Variants in NRXN1 observed in about 807,000 individuals in gnomAD.
NRXN1 encodes neurexin-1.
NRXN1 carries 39 observed loss-of-function variants against 150.9 expected under a neutral mutation model. The ratio of observed to expected loss-of-function variants is 0.26; its 90% CI spans 0.20 to 0.34. NRXN1 has a LOEUF of 0.34. Among genes scored for constraint, NRXN1 ranks in the 10% least tolerant of loss-of-function variants. The pLI is 1.00. For synonymous variants in NRXN1, 924 were observed against 757.0 expected (o/e 1.22, Z -3.62); for missense variants, 1,815 against 1,949.9 (o/e 0.93, Z 1.30).
intron 17 of NRXN1, among the ~76,000 whole-genome samples, chr2:50,458,510 A>G (rs1259287594): frequency 6.6e-6 from 1 of 152,184 alleles, no homozygotes; most frequent in Non-Finnish European, 1.5e-5. Flanking sequence ...AGATTTGATC[A>G]TTACACATTG....
At chr2:51,018,570 C>T (rs1439894427) in intron 2 of NRXN1, among the ~76,000 whole-genome samples, 1 of 151,972 alleles carries the variant, frequency 6.6e-6, no homozygotes, top group African/African-American at 2.4e-5. Flanking sequence ...CACGCTTAGC[C>T]AAAAAGAGGC....
intron 8 of NRXN1, among the ~76,000 whole-genome samples, chr2:50,595,289 T>C (rs1674983189): frequency 6.6e-6 from 1 of 152,108 alleles, no homozygotes; most frequent in South Asian, 2.1e-4. Context: ...AAAGAATTTG[T>C]TCTCTGGTTA....
At chr2:50,173,044 G>C (rs79136872) in intron 18 of NRXN1, among the ~76,000 whole-genome samples, 2 of 152,132 alleles carry the variant, frequency 1.3e-5, no homozygotes, top group Admixed American at 1.3e-4. Context: ...ACATATACGC[G>C]CAATCTATAT....
intron 17 of NRXN1, among the ~76,000 whole-genome samples, chr2:50,376,046 T>C (rs73930354): frequency 0.023 from 3,435 of 148,710 alleles, 122 homozygotes; most frequent in African/African-American, 0.076. Flanking sequence ...CATATATATA[T>C]ACACACACAC....
chr2:49,967,785 T>A (rs1194125944), intron 21 of NRXN1, among the ~76,000 whole-genome samples: 1 of 152,056 alleles, frequency 6.6e-6, no homozygotes, highest in East Asian at 1.9e-4. Context: ...TGTGGAAAAC[T>A]AGAAAGTCAG....
intron 5 of NRXN1, among the ~76,000 whole-genome samples, chr2:50,877,424 A>G (rs1013535626): frequency 2.0e-5 from 3 of 151,826 alleles, no homozygotes; most frequent in Admixed American, 6.6e-5. Flanking sequence ...AGCAGCTGAG[A>G]CTTTTTCTCT....
At position 51,027,959 on chromosome 2, in the gene NRXN1, G is replaced by A. The variant is rs767271650; in HGVS notation, c.315C>T (p.Ala105=). Residue 105 remains alanine, a synonymous_variant, in exon 2 of 23, where the codon GCC becomes GCT. Coordinates refer to ENST00000401669, the MANE Select transcript of NRXN1 (RefSeq NM_001330078.2). ...IFCAEPATLL[A]DTPVNDGAWH... Reference sequence around the variant, plus strand: ...AGGCGCCGTCGTTAACCGGCGTGTCGGCCAGGAGCGTCGCAGGCTCAGCGC... The same window carrying A: ...AGGCGCCGTCGTTAACCGGCGTGTCAGCCAGGAGCGTCGCAGGCTCAGCGC... 13 of 1,602,522 alleles carry A rather than the reference G, an allele frequency of 8.1e-6. No homozygotes were observed. Among genetic ancestry groups the A allele is most frequent in the South Asian group, 6.6e-5 (6 of 90,984 alleles).
At chr2:50,345,544 T>A (rs1292706981) in intron 17 of NRXN1, among the ~76,000 whole-genome samples, 1 of 152,190 alleles carries the variant, frequency 6.6e-6, no homozygotes, top group Non-Finnish European at 1.5e-5. Flanking sequence ...TCTAAACAAG[T>A]GCATTTTACA....
At chr2:50,632,004 C>T (rs1489220775) in intron 5 of NRXN1, among the ~76,000 whole-genome samples, 1 of 151,720 alleles carries the variant, frequency 6.6e-6, no homozygotes, top group Non-Finnish European at 1.5e-5. Context: ...TTCTGGGTGC[C>T]AATTAATGAT....
intron 17 of NRXN1, among the ~76,000 whole-genome samples, chr2:50,393,007 C>T (rs1313847589): frequency 6.6e-6 from 1 of 151,638 alleles, no homozygotes. Flanking sequence ...GAAACATTCC[C>T]GGGAAAGAAG....
At chr2:50,596,348 G>T (rs1400743617) in intron 8 of NRXN1, among the ~76,000 whole-genome samples, 1 of 151,844 alleles carries the variant, frequency 6.6e-6, no homozygotes, top group African/African-American at 2.4e-5. Context: ...CATCATTCAC[G>T]ATCTATCCCA....
At chr2:50,970,786 G>A (rs899602671) in intron 2 of NRXN1, among the ~76,000 whole-genome samples, 12 of 151,054 alleles carry the variant, frequency 7.9e-5, no homozygotes, top group South Asian at 4.2e-4. Flanking sequence ...TAATCTTTGC[G>A]GTTTTTGCTA....
chr2:50,359,737 G>C lies in NRXN1; in HGVS notation c.3364+105705C>G, dbSNP rs2153008725. 1.3e-5 allele frequency among the ~76,000 whole-genome samples: 2 copies of C among 152,136 alleles called. 1 individual carries two copies. Among genetic ancestry groups the C allele is most frequent in the South Asian group, 4.2e-4 (2 of 4,814 alleles). On this transcript the variant is annotated intron_variant, in intron 17 of 22. Transcript: ENST00000401669. ...AACCCGCAAGACAGGCCCACATTCA[G>C]ATTCAGGAAATACAGAGAACACCAC...
intron 21 of NRXN1, among the ~76,000 whole-genome samples, chr2:49,978,701 A>T (rs1435254750): frequency 7.6e-6 from 1 of 131,898 alleles, no homozygotes; most frequent in East Asian, 2.3e-4. Flanking sequence ...CCATAAAAAG[A>T]AAAGAGAGGC....
intron 15 of NRXN1, among the ~76,000 whole-genome samples, chr2:50,484,286 A>C (rs943083949): frequency 3.3e-5 from 5 of 152,174 alleles, no homozygotes; most frequent in Admixed American, 6.5e-5. Flanking sequence ...TTTCCAAAAA[A>C]GAATTCCTTC....
Position 50,472,292 on chromosome 2 carries a change from T to G in NRXN1, c.3244+6A>C. ...TATTTAGAGCATGATGACAAAAATC[T>G]AATACCTTCACATCCTCTCTCGATC... On this transcript the variant is annotated splice_donor_region_variant and intron_variant, in intron 16 of 22. Coordinates refer to ENST00000401669, the MANE Select transcript of NRXN1 (RefSeq NM_001330078.2). 1 of 1,556,508 alleles carries G rather than the reference T, an allele frequency of 6.4e-7. No homozygotes were observed. The highest frequency in any genetic ancestry group is 8.7e-7 in the Non-Finnish European group (1 of 1,149,722).
At chr2:50,710,563 C>T (rs1695020179) in intron 5 of NRXN1, among the ~76,000 whole-genome samples, 1 of 152,174 alleles carries the variant, frequency 6.6e-6, no homozygotes, top group Non-Finnish European at 1.5e-5. Context: ...GGACTAGGTT[C>T]AGGCATTGAA....
chr2:50,093,559 C>G (rs1699853945), intron 18 of NRXN1, among the ~76,000 whole-genome samples: 2 of 152,042 alleles, frequency 1.3e-5, no homozygotes, highest in East Asian at 1.9e-4. Context: ...CACTTGAGCC[C>G]CGGAGGCTGA....
intron 11 of NRXN1, among the ~76,000 whole-genome samples, chr2:50,530,956 T>C (rs528765913): frequency 6.6e-6 from 1 of 152,314 alleles, no homozygotes; most frequent in East Asian, 1.9e-4. Flanking sequence ...TAATAATTTA[T>C]ATTTTCAATT....
Sources: gnomAD v4.1 joint callset for allele counts (sites outside exome capture counted in the v4.1 genomes callset) on GRCh38, gnomAD v4.1.1 for gene constraint, MANE v1.5 for transcripts, NCBI Gene and HGNC (gene_info 2026-07-23, HGNC 2026-07-21) for gene names.